SMTNL2: variants seen among roughly 807,000 people sequenced by gnomAD.
SMTNL2 encodes the protein smoothelin-like protein 2.
Under a neutral mutation model 44.1 loss-of-function variants are expected in SMTNL2, and 43 were observed. The observed-to-expected ratio is 0.98, with a 90% CI of 0.76 to 1.26. SMTNL2 has a LOEUF of 1.26. Ranked by LOEUF, SMTNL2 falls within the 50% of genes most tolerant of loss-of-function variation. SMTNL2 has a pLI of 0.00. For synonymous variants in SMTNL2, 317 were observed against 287.6 expected, an observed-to-expected ratio of 1.10 and a Z score of -1.03; for missense variants, 646 against 670.2, an observed-to-expected ratio of 0.96 and a Z score of 0.40.
chr17:4,597,792 G>A (rs1032009963), intron 7 of SMTNL2, among the ~76,000 whole-genome samples: 1 of 152,196 alleles, frequency 6.6e-6, no homozygotes, highest in South Asian at 2.1e-4. Context: ...TTTCCTTCCC[G>A]AAATGGTGTT....
intron 4 of SMTNL2, 31 bp downstream of exon 4, chr17:4,593,928 G>A (rs199531583): frequency 3.8e-5 from 61 of 1,609,902 alleles, no homozygotes; most frequent in Middle Eastern, 3.3e-4. Context: ...CTGTGGGGTC[G>A]CTGCGCCCCA....
chr17:4,593,125 C>G lies in SMTNL2; in HGVS notation c.684C>G (p.Asn228Lys), dbSNP rs553304059. ...PMSAATLGGL[N>K]PSPSEVITPW... is the part of the protein sequence containing the mutation. The stretch of plus-strand genomic sequence containing the variant: ...CTGCTGCCACCCTGGGGGGCCTCAA[C>G]CCAAGCCCCAGCGAGGTCATCACGC... Residue 228 changes from asparagine to lysine, a missense_variant, in exon 3 of 8, where the codon AAC (asparagine) becomes AAG (lysine). Transcript: ENST00000389313. The G allele has an allele frequency of 2.5e-6, 4 of 1,612,444 alleles. No individual in the cohort carries two copies. Among genetic ancestry groups the G allele is most frequent in the Admixed American group, 1.7e-5 (1 of 59,980 alleles).
rs1909976427 is a variant in SMTNL2, at chr17:4,600,252, C to T, written c.1259+2929C>T. 6.6e-6 allele frequency among the ~76,000 whole-genome samples: 1 copy of T among 152,166 alleles called. No individual in the cohort carries two copies. The highest frequency in any genetic ancestry group is 6.5e-5 in the Admixed American group (1 of 15,282). On this transcript the variant is annotated intron_variant, in intron 7 of 7. Coordinates refer to ENST00000389313, the MANE Select transcript of SMTNL2 (RefSeq NM_001114974.2). This position sits in a 1 kb window ranked among gnomAD's most constrained non-coding sequence, Gnocchi z 4.7. ...TGGCAGGAAAGCGCAGGGACACCTG[C>T]CTGAGGGTACTAGCTGTCAGTGTCC... is the stretch of plus-strand genomic sequence containing the variant.
Position 4,589,208 on chromosome 17 carries a change from C to G in SMTNL2, c.400-3153C>G, listed in dbSNP as rs1346437017. On this transcript the variant is annotated intron_variant, in intron 1 of 7. Coordinates refer to ENST00000389313, the MANE Select transcript of SMTNL2 (RefSeq NM_001114974.2). ...CATCATGGGGGTTGTTGAGGGGCTGCAACGTGCAGGGACAGGCATCTGCGG... is the reference window on the plus strand; with the variant it reads ...CATCATGGGGGTTGTTGAGGGGCTGGAACGTGCAGGGACAGGCATCTGCGG... Among the ~76,000 whole-genome samples the G allele has an allele frequency of 3.3e-5, 5 of 152,120 alleles. 1 individual carries two copies. Among genetic ancestry groups the G allele is most frequent in the African/African-American group, 1.2e-4 (5 of 41,406 alleles).
chr17:4,589,144 A>C (rs1327736891), intron 1 of SMTNL2, among the ~76,000 whole-genome samples: 4 of 152,102 alleles, frequency 2.6e-5, no homozygotes, highest in African/African-American at 9.7e-5. Context: ...CCAGGATAGA[A>C]CTTACTCCCA....
rs1909923379 is a variant in SMTNL2, at chr17:4,598,933, G to C, written c.1259+1610G>C. Among the ~76,000 whole-genome samples, 1 of 152,108 alleles carries C rather than the reference G, an allele frequency of 6.6e-6. No individual in the cohort carries two copies. Among genetic ancestry groups the C allele is most frequent in the South Asian group, 2.1e-4 (1 of 4,828 alleles). On this transcript the variant is annotated intron_variant, in intron 7 of 7. Transcript: ENST00000389313. This position sits in a 1 kb window ranked among gnomAD's most constrained non-coding sequence, Gnocchi z 4.8. The stretch of plus-strand genomic sequence containing the variant: ...TCCCAGCCCAACCACCAACCACCTG[G>C]CCCCGGCCCCAGCCCCGGCCCTGGC...
At position 4,595,296 on chromosome 17, in the gene SMTNL2, GAGA is replaced by G. The variant is rs766373602; in HGVS notation, c.961_963del (p.Lys321del). 1 of 1,612,998 alleles carries G rather than the reference GAGA, an allele frequency of 6.2e-7. No homozygotes were observed. Among genetic ancestry groups the G allele is most frequent in the East Asian group, 2.2e-5 (1 of 44,864 alleles). ...GGCGCAGGCCCGGAAAGCATTGTTT[GAGA>G]AGTGGGAGCAGGAAACGGCGGCCGG... On this transcript the variant is annotated inframe_deletion, in exon 5 of 8. Transcript: ENST00000389313. The surrounding 1 kb of genome is among the most constrained non-coding windows in gnomAD (Gnocchi z 5.1).
At position 4,595,059 on chromosome 17, in the gene SMTNL2, A is replaced by G; in HGVS notation, c.807-86A>G. On this transcript the variant is annotated intron_variant, in intron 4 of 7. Coordinates refer to ENST00000389313, the MANE Select transcript of SMTNL2 (RefSeq NM_001114974.2). This position sits in a 1 kb window ranked among gnomAD's most constrained non-coding sequence, Gnocchi z 5.1. ...CATCACGGTGCAGGCTGCCTTGTCC[A>G]CACTCAGTGCAATGGAGACCTTGGG... The G allele has an allele frequency of 6.3e-7, 1 of 1,581,292 alleles. No individual in the cohort carries two copies. The highest frequency in any genetic ancestry group is 8.7e-7 in the Non-Finnish European group (1 of 1,154,558).
At chr17:4,590,897 C>T (rs144404058) in intron 1 of SMTNL2, among the ~76,000 whole-genome samples, 145 of 152,216 alleles carry the variant, frequency 9.5e-4, no homozygotes, top group Non-Finnish European at 1.5e-3. Flanking sequence ...GCAGCTTGGG[C>T]GGCAGGGCAG....
chr17:4,592,267 G>C lies in SMTNL2; in HGVS notation c.400-94G>C. ...TTTCTCTCAACATGATTGGTGTTTT[G>C]CCAGAACGGGAGGGGATTTGGGGGT... On this transcript the variant is annotated intron_variant, in intron 1 of 7. Coordinates refer to ENST00000389313, the MANE Select transcript of SMTNL2 (RefSeq NM_001114974.2). This position sits in a 1 kb window ranked among gnomAD's most constrained non-coding sequence, Gnocchi z 4.5. 8.6e-7 allele frequency: 1 copy of C among 1,157,942 alleles called. No homozygotes were observed. Among genetic ancestry groups the C allele is most frequent in the Non-Finnish European group, 1.2e-6 (1 of 801,512 alleles). The allele number at this position is 1,157,942 out of a possible 1,614,324, so 71.7% of individuals were successfully genotyped here.
chr17:4,589,539 TCTC>T (rs755498292), intron 1 of SMTNL2, among the ~76,000 whole-genome samples: 2 of 152,058 alleles, frequency 1.3e-5, no homozygotes, highest in Non-Finnish European at 2.9e-5. Flanking sequence ...GGGCCTGGCC[TCTC>T]CTCCTCCCAC....
chr17:4,604,966 C>T (rs946281110), intron 7 of SMTNL2, among the ~76,000 whole-genome samples: 5 of 152,156 alleles, frequency 3.3e-5, no homozygotes, highest in South Asian at 2.1e-4. Context: ...CCACCGTGCC[C>T]GGCCAGTATT....
chr17:4,599,581 G>A (rs1239047670), intron 7 of SMTNL2, among the ~76,000 whole-genome samples: 1 of 152,204 alleles, frequency 6.6e-6, no homozygotes, highest in Non-Finnish European at 1.5e-5. Context: ...TAAGTCCAGT[G>A]ATGCCCGCTT....
chr17:4,594,403 G>A (rs1909714528), intron 4 of SMTNL2, among the ~76,000 whole-genome samples: 1 of 151,944 alleles, frequency 6.6e-6, no homozygotes, highest in African/African-American at 2.4e-5. Context: ...GAGCCAAGAT[G>A]GTGCCACTGC....
At chr17:4,599,977 G>A (rs1909963943) in intron 7 of SMTNL2, among the ~76,000 whole-genome samples, 1 of 152,230 alleles carries the variant, frequency 6.6e-6, no homozygotes, top group African/African-American at 2.4e-5. Flanking sequence ...TGAAGCCGCT[G>A]AGATGAGTTC....
chr17:4,586,806 G>C (rs1435389285), intron 1 of SMTNL2, among the ~76,000 whole-genome samples: 1 of 152,194 alleles, frequency 6.6e-6, no homozygotes, highest in Non-Finnish European at 1.5e-5. Context: ...GGGTTTCAGA[G>C]GGGGAATGAG....
Position 4,607,671 on chromosome 17 carries a change from C to T in SMTNL2, c.*184C>T. Reference sequence around the variant, plus strand: ...GTTACTGATTAAAAGTACTGCTGAGCTGTGGTCCGACAGCACTGATCACAG... The same window carrying T: ...GTTACTGATTAAAAGTACTGCTGAGTTGTGGTCCGACAGCACTGATCACAG... On this transcript the variant is annotated 3_prime_UTR_variant, in exon 8 of 8. Transcript: ENST00000389313. The surrounding 1 kb of genome is among the most constrained non-coding windows in gnomAD (Gnocchi z 4.7). 1.0e-6 allele frequency: 1 copy of T among 975,824 alleles called. No individual in the cohort carries two copies. The highest frequency in any genetic ancestry group is 2.7e-5 in the East Asian group (1 of 36,700). The allele number at this position is 975,824 out of a possible 1,614,324, so 60.4% of individuals were successfully genotyped here.
rs1910308542 is a variant in SMTNL2 at position 4,607,077 on chromosome 17, C to A, written c.1260-284C>A. 6.6e-6 allele frequency among the ~76,000 whole-genome samples: 1 copy of A among 151,972 alleles called. No individual in the cohort carries two copies. Among genetic ancestry groups the A allele is most frequent in the African/African-American group, 2.4e-5 (1 of 41,374 alleles). On this transcript the variant is annotated intron_variant, in intron 7 of 7. Coordinates refer to ENST00000389313, the MANE Select transcript of SMTNL2 (RefSeq NM_001114974.2). This position sits in a 1 kb window ranked among gnomAD's most constrained non-coding sequence, Gnocchi z 4.7. ...TCATGCCTGGGCAACAGAGCAAGCC[C>A]CTGTCTCTAAAAAAAAAACCCAAAT...
At chr17:4,584,458 T>C, upstream of SMTNL2, 1 of 893,876 alleles carries the variant, frequency 1.1e-6, no homozygotes, top group Non-Finnish European at 1.5e-6. Flanking sequence ...CGTCCCCGGC[T>C]CCGCCCCCGA....
Sources: gnomAD v4.1 joint callset for allele counts (sites outside exome capture counted in the v4.1 genomes callset) on GRCh38, gnomAD v4.1.1 for gene constraint, Gnocchi (gnomAD v3.1) non-coding constraint, MANE v1.5 for transcripts, NCBI Gene and HGNC (gene_info 2026-07-23, HGNC 2026-07-21) for gene names.